TFIP11: variants seen among roughly 807,000 people sequenced by gnomAD.
TFIP11 encodes the protein tuftelin-interacting protein 11.
A neutral mutation model predicts 96.8 loss-of-function variants in TFIP11; 86 were observed. The observed-to-expected ratio is 0.89, with a 90% CI of 0.75 to 1.06. The LOEUF (loss-of-function observed/expected upper bound fraction) is 1.06. Among genes scored for constraint, TFIP11 ranks in the 50% least tolerant of loss-of-function variants. TFIP11 has a pLI of 0.00. For missense variants in TFIP11, 881 were observed against 1,076.7 expected (o/e 0.82, Z 2.54); for synonymous variants, 405 against 395.2 (o/e 1.02, Z -0.29).
In TFIP11 at chr22:26,491,719, A is replaced by G. The variant is rs375860165; in HGVS notation, c.*294T>C. The G allele has an allele frequency of 9.9e-5, 152 of 1,531,820 alleles. No homozygotes were observed. In the African/African-American group the frequency reaches 1.5e-3, roughly 15 times the overall value. 94.9% of individuals were successfully genotyped at this position (1,531,820 alleles called of 1,614,324 possible). ...GTTGGCTGAGGTAGAAGCTGCCACCAGAGACTAAAGGGAAGGCTGCTATGG... is the reference window on the plus strand; with the variant it reads ...GTTGGCTGAGGTAGAAGCTGCCACCGGAGACTAAAGGGAAGGCTGCTATGG... On this transcript the variant is annotated 3_prime_UTR_variant, in exon 15 of 15. Transcript: ENST00000407690.
intron 4 of TFIP11, among the ~76,000 whole-genome samples, chr22:26,507,149 G>A (rs991796632): frequency 3.3e-5 from 5 of 152,010 alleles, no homozygotes; most frequent in African/African-American, 4.8e-5. Flanking sequence ...ATCCCTCTAC[G>A]GCTGAAGAGT....
intron 2 of TFIP11, 151 bp from the exon 3 acceptor site, chr22:26,510,853 G>A (rs956929121): frequency 1.3e-5 from 2 of 153,308 alleles, no homozygotes; most frequent in Admixed American, 6.5e-5. Context: ...CAGATGTCCA[G>A]AGATTGATAT....
At chr22:26,506,621 G>T in intron 5 of TFIP11, 154 bp downstream of exon 5, 3 of 1,274,388 alleles carry the variant, frequency 2.4e-6, no homozygotes, top group Non-Finnish European at 2.2e-6. Flanking sequence ...GGAAGAGACT[G>T]CACTACACAC....
rs201407555 is a variant in TFIP11, at chr22:26,499,479, G to C, written c.954C>G (p.Pro318=). 3.7e-6 allele frequency: 6 copies of C among 1,614,172 alleles called. No individual in the cohort carries two copies. In the South Asian group the frequency reaches 6.6e-5, roughly 18 times the overall value. ...GCAGCTGCAGGTTGTGCTCCAGCTC[G>C]GGCAGCGCGAAGCCGGGGGCCTTGG... ...KEAKAPGFAL[P]ELEHNLQLLI... The change falls in exon 9 of 15, where the codon CCC becomes CCG. Residue 318 remains proline, a synonymous_variant. Coordinates refer to ENST00000407690, the MANE Select transcript of TFIP11 (RefSeq NM_012143.4).
At chr22:26,510,517 C>T (rs1923924602) in intron 3 of TFIP11, 100 bp downstream of exon 3, 1 of 517,112 alleles carries the variant, frequency 1.9e-6, no homozygotes, top group African/African-American at 1.9e-5. Context: ...TTTAAAAGTA[C>T]ATATCTCCTT....
chr22:26,508,735 C>T (rs1026401363), intron 4 of TFIP11, among the ~76,000 whole-genome samples: 2 of 151,968 alleles, frequency 1.3e-5, no homozygotes, highest in African/African-American at 4.8e-5. Flanking sequence ...GTCCCAGCTA[C>T]TCGGGAGGCT....
At chr22:26,498,054 A>T (rs1922282933) in intron 10 of TFIP11, among the ~76,000 whole-genome samples, 1 of 152,162 alleles carries the variant, frequency 6.6e-6, no homozygotes, top group Non-Finnish European at 1.5e-5. Context: ...AAAGGAATGA[A>T]ATAATGGCAT....
intron 6 of TFIP11, among the ~76,000 whole-genome samples, chr22:26,504,774 C>A (rs1159939486): frequency 6.6e-6 from 1 of 152,058 alleles, no homozygotes; most frequent in Non-Finnish European, 1.5e-5. Flanking sequence ...ACCTGGATTT[C>A]ACTTTAATAA....
At chr22:26,497,374 T>A (rs1017665766) in intron 10 of TFIP11, among the ~76,000 whole-genome samples, 1 of 152,194 alleles carries the variant, frequency 6.6e-6, no homozygotes. Flanking sequence ...TGCTGTACTG[T>A]AGACAGAGGC....
At chr22:26,497,860 G>A (rs371236328) in intron 10 of TFIP11, among the ~76,000 whole-genome samples, 2 of 119,354 alleles carry the variant, frequency 1.7e-5, no homozygotes, top group African/African-American at 6.5e-5. Flanking sequence ...TGGCGACAAA[G>A]CAAGACTTCA....
At chr22:26,493,050 G>C (rs754598030) in intron 14 of TFIP11, 3 of 149,158 alleles carry the variant, frequency 2.0e-5, no homozygotes, top group African/African-American at 7.4e-5. Flanking sequence ...TTTTGAGACC[G>C]AGTCTCGCTC....
At position 26,496,176 on chromosome 22, in the gene TFIP11, G is replaced by C; in HGVS notation, c.1746C>G (p.His582Gln). Residue 582 changes from histidine to glutamine, a missense_variant, in exon 12 of 15, where the codon CAC becomes CAG. By Grantham distance (24) the His-to-Gln change is conservative. Transcript: ENST00000407690. ...SKLSSALQKW[H>Q]PSDSSAKLIL... ...TGAGCTTGGCAGAGGAGTCGCTGGG[G>C]TGCCACTTCTGCAGGGCGCTGGACA... 1 of 1,613,926 alleles carries C rather than the reference G, an allele frequency of 6.2e-7. No individual in the cohort carries two copies. The highest frequency in any genetic ancestry group is 8.5e-7 in the Non-Finnish European group (1 of 1,180,024).
intron 8 of TFIP11, 68 bp downstream of exon 8, chr22:26,501,832 C>A: frequency 7.6e-7 from 1 of 1,317,826 alleles, no homozygotes; most frequent in East Asian, 2.6e-5. Context: ...TCCAAAAAAC[C>A]CTCGAACATG....
At chr22:26,499,778 G>T in intron 8 of TFIP11, 147 bp from the exon 9 acceptor site, 1 of 833,550 alleles carries the variant, frequency 1.2e-6, no homozygotes, top group Non-Finnish European at 1.8e-6. Context: ...TGTAAAGTGG[G>T]AACCATACTG....
chr22:26,499,283 C>G lies in TFIP11; in HGVS notation c.1150G>C (p.Glu384Gln). ...SKVLEMVEEC[E>Q]RRMQPDCSNP... is the part of the protein sequence containing the mutation. ...CTGCAGTCGGGCTGCATCCGCCGCT[C>G]GCACTCCTCCACCATCTCCAGGACC... The change falls in exon 9 of 15, where the codon GAG becomes CAG. Residue 384 changes from glutamate to glutamine, a missense_variant. By Grantham distance (29) the Glu-to-Gln change is conservative. Coordinates refer to ENST00000407690, the MANE Select transcript of TFIP11 (RefSeq NM_012143.4). 6.2e-7 allele frequency: 1 copy of G among 1,613,760 alleles called. No individual in the cohort carries two copies. Among genetic ancestry groups the G allele is most frequent in the Middle Eastern group, 1.7e-4 (1 of 6,058 alleles).
intron 14 of TFIP11, chr22:26,493,862 A>C (rs1921563412): frequency 7.2e-6 from 3 of 415,632 alleles, no homozygotes; most frequent in Non-Finnish European, 1.3e-5. Flanking sequence ...AGTGGTTAAG[A>C]GGGCGGGGCC....
intron 4 of TFIP11, among the ~76,000 whole-genome samples, chr22:26,507,775 A>C (rs909529611): frequency 1.3e-5 from 2 of 152,182 alleles, no homozygotes; most frequent in Admixed American, 1.3e-4. Flanking sequence ...TTTTTTGTAT[A>C]AAATAAAATT....
At chr22:26,505,620 G>A (rs73421325) in intron 6 of TFIP11, among the ~76,000 whole-genome samples, 2,256 of 152,070 alleles carry the variant, frequency 0.015, 58 homozygotes, top group African/African-American at 0.051. Flanking sequence ...CTACTGCCAG[G>A]CAAAATCTAG....
Position 26,496,334 on chromosome 22 carries a change from G to C in TFIP11, c.1606-18C>G, listed in dbSNP as rs371813555. The C allele has an allele frequency of 1.9e-6, 3 of 1,579,880 alleles. No individual in the cohort carries two copies. Among genetic ancestry groups the C allele is most frequent in the Non-Finnish European group, 2.6e-6 (3 of 1,158,772 alleles). Reference sequence around the variant, plus strand: ...TTTTCCACCTGCGAAGTGGGGAGGAGAAACAGTTCATGTCGCCTGTGGGGC... The same window carrying C: ...TTTTCCACCTGCGAAGTGGGGAGGACAAACAGTTCATGTCGCCTGTGGGGC... On this transcript the variant is annotated intron_variant, in intron 11 of 14. Coordinates refer to ENST00000407690, the MANE Select transcript of TFIP11 (RefSeq NM_012143.4).
Sources: allele counts gnomAD v4.1 joint callset (sites outside exome capture counted in the v4.1 genomes callset), GRCh38; gene constraint gnomAD v4.1.1; transcripts MANE v1.5; gene names NCBI Gene and HGNC (gene_info 2026-07-23, HGNC 2026-07-21).